Variants in SLC4A10 observed in about 807,000 individuals in gnomAD.
SLC4A10 encodes the protein solute carrier family 4 member 10, also known as sodium-driven chloride bicarbonate exchanger.
A neutral mutation model predicts 137.7 loss-of-function variants in SLC4A10; 42 were observed. That is an observed-to-expected ratio of 0.30 (90% CI 0.24 to 0.39). SLC4A10 has a LOEUF of 0.39. SLC4A10 is among the 10% of genes least tolerant of loss of function. SLC4A10 has a pLI of 1.00. For synonymous variants in SLC4A10, 474 were observed against 464.1 expected (o/e 1.02, Z -0.27); for missense variants, 925 against 1,355.0 (o/e 0.68, Z 4.98).
intron 5 of SLC4A10, 89 bp from the exon 6 acceptor site, chr2:161,862,785 G>C (rs547515587): frequency 4.4e-5 from 43 of 968,206 alleles, no homozygotes; most frequent in Non-Finnish European, 6.1e-5. Flanking sequence ...ATATTGTTTA[G>C]GGCTTGCATA....
intron 3 of SLC4A10, among the ~76,000 whole-genome samples, chr2:161,832,573 AAC>A (rs1047390561): frequency 2.0e-5 from 3 of 152,206 alleles, no homozygotes; most frequent in Non-Finnish European, 4.4e-5. Flanking sequence ...GCAAGCTGAG[AAC>A]CAGGCAACAG....
At chr2:161,757,097 A>T (rs951950766) in intron 1 of SLC4A10, among the ~76,000 whole-genome samples, 3 of 152,270 alleles carry the variant, frequency 2.0e-5, no homozygotes, top group African/African-American at 7.2e-5. Context: ...ATATGGGAAT[A>T]ATAGACACTG....
chr2:161,905,895 C>T lies in SLC4A10; in HGVS notation c.1997+8C>T. 1 of 1,587,224 alleles carries T rather than the reference C, an allele frequency of 6.3e-7. No homozygotes were observed. The highest frequency in any genetic ancestry group is 2.2e-5 in the East Asian group (1 of 44,560). On this transcript the variant is annotated splice_region_variant and intron_variant, in intron 15 of 26. Coordinates refer to ENST00000446997, the MANE Select transcript of SLC4A10 (RefSeq NM_001178015.2). ...ACTGCTGACACAATACTCGTAAGTA[C>T]CATTTCCCCTGCTGGCCTTGGGGCT...
In SLC4A10 at chr2:161,753,883, T is replaced by C. The variant is rs185909910; in HGVS notation, c.49-17090T>C. 1.0e-3 allele frequency among the ~76,000 whole-genome samples: 152 copies of C among 149,536 alleles called. 1 individual carries two copies. Among genetic ancestry groups the C allele is most frequent in the Non-Finnish European group, 5.9e-4 (40 of 67,410 alleles). On this transcript the variant is annotated intron_variant, in intron 1 of 26. Transcript: ENST00000446997. ...ATTTATTTATTTATTTATTTATTTA[T>C]TTATTTATTTATTTATTTATTTTTG...
In SLC4A10 at chr2:161,771,037, A is replaced by C; in HGVS notation, c.113A>C (p.Glu38Ala). Residue 38 changes from glutamate to alanine, a missense_variant, in exon 2 of 27, where the codon GAG becomes GCG. This residue lies in a region of SLC4A10 where 138 missense variants were observed against 171.3 expected (regional missense o/e 0.81). Transcript: ENST00000446997. ...GTRSILKTHF[E>A]KEDLEGHRTL... ...CGTTCTATTCTCAAAACACACTTTG[A>C]GAAAGAAGATTTAGAAGGTAAGACC... 6.2e-7 allele frequency: 1 copy of C among 1,602,082 alleles called. No individual in the cohort carries two copies. The highest frequency in any genetic ancestry group is 2.2e-5 in the East Asian group (1 of 44,456).
intron 2 of SLC4A10, among the ~76,000 whole-genome samples, chr2:161,799,337 T>C (rs559401316): frequency 6.6e-6 from 1 of 152,048 alleles, no homozygotes; most frequent in Non-Finnish European, 1.5e-5. Flanking sequence ...TTTCTTGAAT[T>C]TTTTGCCTTC....
chr2:161,818,831 C>T (rs1285875663), intron 3 of SLC4A10, among the ~76,000 whole-genome samples: 1 of 152,144 alleles, frequency 6.6e-6, no homozygotes, highest in East Asian at 1.9e-4. Context: ...ATGAAGGCCA[C>T]TTGATCATGG....
chr2:161,870,282 G>T (rs1209861429), intron 6 of SLC4A10, among the ~76,000 whole-genome samples: 1 of 151,438 alleles, frequency 6.6e-6, no homozygotes, highest in East Asian at 1.9e-4. Context: ...AAAACATAAG[G>T]TATTCAATTT....
intron 2 of SLC4A10, among the ~76,000 whole-genome samples, chr2:161,778,380 C>G (rs905977644): frequency 2.6e-5 from 4 of 151,862 alleles, no homozygotes; most frequent in African/African-American, 9.7e-5. Context: ...TTTTACATAT[C>G]TATATGTCTT....
Position 161,983,360 on chromosome 2 carries a change from C to A in SLC4A10, c.*208C>A. 1 of 866,064 alleles carries A rather than the reference C, an allele frequency of 1.2e-6. No homozygotes were observed. The allele number at this position is 866,064 out of a possible 1,614,324, so 53.6% of individuals were successfully genotyped here. A position where few individuals can be genotyped will look rare whatever the true frequency, so the allele number is the denominator to read the frequency against. On this transcript the variant is annotated 3_prime_UTR_variant, in exon 27 of 27. Coordinates refer to ENST00000446997, the MANE Select transcript of SLC4A10 (RefSeq NM_001178015.2). ...CCCTCAACCCAAATCCACCTTCATACTGTAAGTAGTGCAATACTTGTTTCA... is the reference window on the plus strand; with the variant it reads ...CCCTCAACCCAAATCCACCTTCATAATGTAAGTAGTGCAATACTTGTTTCA...
Position 161,904,857 on chromosome 2 carries a change from G to A in SLC4A10, c.1699G>A (p.Gly567Ser). Residue 567 changes from glycine (G) to serine (S), a missense_variant, in exon 14 of 27, where the codon GGC becomes AGC. Around this residue, in one of 11 missense-constraint regions of SLC4A10, gnomAD observed 61 missense variants for 168.0 expected, o/e 0.36. Transcript: ENST00000446997. ...TGGTGGACAGCCTCTTACCATATTAGGCAGTACAGGACCAGTTTTGGTGTT... is the reference window on the plus strand; with the variant it reads ...TGGTGGACAGCCTCTTACCATATTAAGCAGTACAGGACCAGTTTTGGTGTT... ...LFGGQPLTIL[G>S]STGPVLVFEK... The A allele has an allele frequency of 6.2e-7, 1 of 1,613,914 alleles. No individual in the cohort carries two copies. Among genetic ancestry groups the A allele is most frequent in the Non-Finnish European group, 8.5e-7 (1 of 1,179,864 alleles).
intron 1 of SLC4A10, among the ~76,000 whole-genome samples, chr2:161,635,022 T>C (rs936234924): frequency 2.6e-5 from 4 of 152,112 alleles, no homozygotes; most frequent in African/African-American, 9.7e-5. Flanking sequence ...GATTATAAGC[T>C]CTATCAAGTT....
At chr2:161,933,994 C>T (rs1237361565) in intron 15 of SLC4A10, among the ~76,000 whole-genome samples, 1 of 152,032 alleles carries the variant, frequency 6.6e-6, no homozygotes, top group South Asian at 2.1e-4. Context: ...TGTTCAGACA[C>T]TTTCATCTTT....
chr2:161,790,500 G>T (rs888999898), intron 2 of SLC4A10, among the ~76,000 whole-genome samples: 1 of 152,058 alleles, frequency 6.6e-6, no homozygotes, highest in African/African-American at 2.4e-5. Context: ...CAATTCTAAG[G>T]GTGTTTGCTC....
intron 1 of SLC4A10, among the ~76,000 whole-genome samples, chr2:161,670,964 G>C (rs965711107): frequency 2.0e-5 from 3 of 152,048 alleles, no homozygotes; most frequent in Non-Finnish European, 4.4e-5. Context: ...TTGAATGCAG[G>C]ACCCATTTTA....
chr2:161,644,523 T>C (rs2035761786), intron 1 of SLC4A10, among the ~76,000 whole-genome samples: 4 of 151,986 alleles, frequency 2.6e-5, no homozygotes, highest in Admixed American at 1.3e-4. Flanking sequence ...TAAAATTGCT[T>C]CACATCGTGG....
intron 10 of SLC4A10, among the ~76,000 whole-genome samples, chr2:161,882,667 AT>A (rs1209927009): frequency 6.6e-6 from 1 of 152,080 alleles, no homozygotes; most frequent in Non-Finnish European, 1.5e-5. Context: ...GTGTAAAGAA[AT>A]TTTTTCAGTG....
At chr2:161,949,755 G>A (rs902837018) in intron 18 of SLC4A10, among the ~76,000 whole-genome samples, 2 of 151,562 alleles carry the variant, frequency 1.3e-5, no homozygotes, top group African/African-American at 4.8e-5. Flanking sequence ...AACACATAAT[G>A]AGATATGTTT....
chr2:161,770,937 T>G (rs1480575615), intron 1 of SLC4A10, 36 bp from the exon 2 acceptor site: 1 of 1,426,692 alleles, frequency 7.0e-7, no homozygotes, highest in Non-Finnish European at 9.8e-7. Flanking sequence ...ATAATATGTG[T>G]GTTATCATTT....
Sources: gnomAD v4.1 joint callset for allele counts (sites outside exome capture counted in the v4.1 genomes callset) on GRCh38, gnomAD v4.1.1 for gene constraint, gnomAD v4.1.1 regional missense constraint, MANE v1.5 for transcripts, NCBI Gene and HGNC (gene_info 2026-07-23, HGNC 2026-07-21) for gene names.